Variants in OTOGL observed in about 807,000 individuals in gnomAD.
OTOGL encodes otogelin like, also known as otogelin-like protein.
A neutral mutation model predicts 318.5 loss-of-function variants in OTOGL; 285 were observed. The observed-to-expected ratio is 0.89, with a 90% CI of 0.81 to 0.99. The LOEUF (loss-of-function observed/expected upper bound fraction) is 0.99. OTOGL is among the 50% of genes least tolerant of loss of function. The pLI is 0.00. For missense variants in OTOGL, 2,899 were observed against 2,845.6 expected (o/e 1.02, Z -0.43); for synonymous variants, 987 against 936.5 (o/e 1.05, Z -0.99).
Position 80,310,773 on chromosome 12 carries a change from T to G in OTOGL, c.3450+46T>G, listed in dbSNP as rs766108917. ...ACTCTCGAGTTTCAATATGTTCTACTGTGTCTATAATACTGAGGTGAACAC... is the reference window on the plus strand; with the variant it reads ...ACTCTCGAGTTTCAATATGTTCTACGGTGTCTATAATACTGAGGTGAACAC... On this transcript the variant is annotated intron_variant, in intron 30 of 58. Transcript: ENST00000547103. 4.1e-6 allele frequency: 6 copies of G among 1,447,682 alleles called. No individual in the cohort carries two copies. The Admixed American group carries it at 1.0e-4, about 25-fold the overall frequency. The allele number at this position is 1,447,682 out of a possible 1,614,324, so 89.7% of individuals were successfully genotyped here.
chr12:80,145,671 T>A (rs1159484146), intron 1 of OTOGL, among the ~76,000 whole-genome samples: 1 of 151,892 alleles, frequency 6.6e-6, no homozygotes, highest in African/African-American at 2.4e-5. Flanking sequence ...TTCACGATAT[T>A]GATTCTTCCT....
chr12:80,112,143 TG>T (rs1415685601), intron 1 of OTOGL, among the ~76,000 whole-genome samples: 1 of 152,196 alleles, frequency 6.6e-6, no homozygotes, highest in Admixed American at 6.5e-5. Flanking sequence ...TAAGGAGTTT[TG>T]GGGCTGAGAC....
At chr12:80,149,867 C>T (rs1473042317) in intron 1 of OTOGL, among the ~76,000 whole-genome samples, 4 of 152,206 alleles carry the variant, frequency 2.6e-5, no homozygotes, top group African/African-American at 4.8e-5. Flanking sequence ...AGCTCCCTGA[C>T]CCCTTGCACT....
At chr12:80,345,409 G>A (rs1889133602) in intron 44 of OTOGL, among the ~76,000 whole-genome samples, 1 of 150,848 alleles carries the variant, frequency 6.6e-6, no homozygotes, top group African/African-American at 2.4e-5. Flanking sequence ...CTAATTTTTT[G>A]TATTTTTAAT....
chr12:80,327,386 C>T (rs12368469), intron 35 of OTOGL, among the ~76,000 whole-genome samples: 68,823 of 151,438 alleles, frequency 0.45, 16,760 homozygotes, highest in African/African-American at 0.64. Context: ...TTCAGGCTGT[C>T]ATACAACCAT....
chr12:80,313,299 CTAA>C, intron 30 of OTOGL, among the ~76,000 whole-genome samples, 174 bp from the exon 31 acceptor site: 2 of 152,058 alleles, frequency 1.3e-5, no homozygotes. Context: ...TGACATTTTC[CTAA>C]TACATTTCTT....
chr12:80,241,945 GA>G (rs35325560), intron 11 of OTOGL, among the ~76,000 whole-genome samples: 1 of 151,866 alleles, frequency 6.6e-6, no homozygotes, highest in Admixed American at 6.6e-5. Context: ...TAAAAAGGGA[GA>G]AAAAAAACCA....
At chr12:80,187,664 G>T (rs1321019065) in intron 1 of OTOGL, among the ~76,000 whole-genome samples, 1 of 152,150 alleles carries the variant, frequency 6.6e-6, no homozygotes, top group Non-Finnish European at 1.5e-5. Context: ...ATTAAGACAG[G>T]CCTTGAGCTT....
At chr12:80,358,454 C>A in intron 50 of OTOGL, 105 bp downstream of exon 50, 1 of 964,384 alleles carries the variant, frequency 1.0e-6, no homozygotes, top group South Asian at 1.6e-5. Flanking sequence ...CAAAGTTTTT[C>A]ATTTGATGAG....
chr12:80,346,133 G>C (rs1255178063), intron 44 of OTOGL, among the ~76,000 whole-genome samples: 4 of 152,090 alleles, frequency 2.6e-5, no homozygotes, highest in Non-Finnish European at 4.4e-5. Context: ...CATGAGATAG[G>C]CAGGGTGTAT....
At chr12:80,261,226 G>T (rs1882498239) in intron 18 of OTOGL, among the ~76,000 whole-genome samples, 1 of 152,118 alleles carries the variant, frequency 6.6e-6, no homozygotes, top group Non-Finnish European at 1.5e-5. Flanking sequence ...AAAACTTCCT[G>T]CAGGAGATCT....
At position 80,219,818 on chromosome 12, in the gene OTOGL, T is replaced by G; in HGVS notation, c.240T>G (p.Ser80=). The G allele has an allele frequency of 6.4e-7, 1 of 1,573,636 alleles. No individual in the cohort carries two copies. The highest frequency in any genetic ancestry group is 8.6e-7 in the Non-Finnish European group (1 of 1,158,468). The change falls in exon 6 of 59, where the codon TCT becomes TCG. Residue 80 remains serine, a synonymous_variant. Transcript: ENST00000547103. ...INWGESKIKG[S]CPYECLNGAF... is the part of the protein sequence containing the mutation. ...TTTTTTTTTTTTCCCCCTCAGGTTCTTGTCCTTATGAATGCCTTAATGGAG... is the reference window on the plus strand; with the variant it reads ...TTTTTTTTTTTTCCCCCTCAGGTTCGTGTCCTTATGAATGCCTTAATGGAG...
rs530333072 is a variant in OTOGL at position 80,378,436 on chromosome 12, T to TAATATGTACTCCTTA, written c.*390_*404dup. The stretch of plus-strand genomic sequence containing the variant: ...TAGCTATCCAAATTAAGGTACCCTT[T>TAATATGTACTCCTTA]AATATGTACTCCTTAATCTGGTAAA... On this transcript the variant is annotated 3_prime_UTR_variant, in exon 59 of 59. Transcript: ENST00000547103. 5.8e-6 allele frequency: 1 copy of TAATATGTACTCCTTA among 171,588 alleles called. No individual in the cohort carries two copies. 10.6% of individuals were successfully genotyped at this position (171,588 alleles called of 1,614,324 possible). A position where few individuals can be genotyped will look rare whatever the true frequency, so the allele number is the denominator to read the frequency against.
intron 34 of OTOGL, among the ~76,000 whole-genome samples, chr12:80,320,981 A>G (rs1592704740): frequency 6.6e-6 from 1 of 152,120 alleles, no homozygotes; most frequent in South Asian, 2.1e-4. Context: ...TATTACCCCA[A>G]TTATTACTAC....
At chr12:80,148,343 G>A (rs962475622) in intron 1 of OTOGL, among the ~76,000 whole-genome samples, 1 of 148,198 alleles carries the variant, frequency 6.7e-6, no homozygotes, top group African/African-American at 2.5e-5. Flanking sequence ...GAAATTCTGG[G>A]TTGCAAATTC....
At chr12:80,255,244 C>T in intron 16 of OTOGL, 59 bp downstream of exon 16, 1 of 1,316,476 alleles carries the variant, frequency 7.6e-7, no homozygotes, top group Non-Finnish European at 9.8e-7. Flanking sequence ...GCTTAAACTT[C>T]ATTTCAGACT....
intron 1 of OTOGL, among the ~76,000 whole-genome samples, chr12:80,150,048 C>G (rs555799220): frequency 1.2e-4 from 18 of 152,296 alleles, no homozygotes; most frequent in Admixed American, 1.0e-3. Context: ...TAGACCGGAG[C>G]TGTTCCTATT....
At chr12:80,146,930 C>T (rs1447792962) in intron 1 of OTOGL, among the ~76,000 whole-genome samples, 2 of 151,862 alleles carry the variant, frequency 1.3e-5, no homozygotes, top group South Asian at 2.1e-4. Context: ...TTTATTGTAT[C>T]TATTTGATTC....
chr12:80,345,564 T>C (rs977059982), intron 44 of OTOGL, among the ~76,000 whole-genome samples: 1 of 151,954 alleles, frequency 6.6e-6, no homozygotes, highest in African/African-American at 2.4e-5. Context: ...ACAGTCAGAG[T>C]TGAAAATATA....
Sources: allele counts gnomAD v4.1 joint callset (sites outside exome capture counted in the v4.1 genomes callset), GRCh38; gene constraint gnomAD v4.1.1; transcripts MANE v1.5; gene names NCBI Gene and HGNC (gene_info 2026-07-23, HGNC 2026-07-21).